MSANTD4: variants seen among roughly 807,000 people sequenced by gnomAD.
The protein encoded by MSANTD4 is myb/SANT-like DNA-binding domain-containing protein 4.
Under a neutral mutation model 34.3 loss-of-function variants are expected in MSANTD4, and 13 were observed. That is an observed-to-expected ratio of 0.38 (90% CI 0.25 to 0.60). The LOEUF is 0.60. Ranked by LOEUF, MSANTD4 falls within the 20% of genes least tolerant of loss-of-function variation. The pLI is 0.63. For synonymous variants in MSANTD4, 137 were observed against 145.2 expected, an observed-to-expected ratio of 0.94 and a Z score of 0.41; for missense variants, 358 against 401.8, an observed-to-expected ratio of 0.89 and a Z score of 0.93.
At chr11:106,015,102 T>C (rs1162434358) in intron 1 of MSANTD4, among the ~76,000 whole-genome samples, 1 of 152,208 alleles carries the variant, frequency 6.6e-6, no homozygotes, top group East Asian at 1.9e-4. Flanking sequence ...ATACTCCTCT[T>C]ACAGTCAAAT....
intron 1 of MSANTD4, among the ~76,000 whole-genome samples, chr11:106,013,691 TATCTAC>T (rs1369487744): frequency 6.6e-6 from 1 of 152,172 alleles, no homozygotes; most frequent in African/African-American, 2.4e-5. Context: ...CAAAACCCCG[TATCTAC>T]TAAAAATACA....
intron 1 of MSANTD4, among the ~76,000 whole-genome samples, chr11:106,013,849 G>A (rs1487027085): frequency 6.6e-6 from 1 of 152,222 alleles, no homozygotes; most frequent in Non-Finnish European, 1.5e-5. Context: ...GGGAAACAGT[G>A]AGACTTTGTC....
At position 106,010,036 on chromosome 11, in the gene MSANTD4, A is replaced by G; in HGVS notation, c.537T>C (p.Asp179=). 6.2e-7 allele frequency: 1 copy of G among 1,601,320 alleles called. No individual in the cohort carries two copies. The highest frequency in any genetic ancestry group is 8.5e-7 in the Non-Finnish European group (1 of 1,179,646). The part of the protein sequence containing the change: ...PDSRRENELP[D]FPHIDEFFTL... ...TAAAAAACTCATCAATGTGGGGGAAATCGGGAAGTTCATTTTCTCTCCTGG... is the reference window on the plus strand; with the variant it reads ...TAAAAAACTCATCAATGTGGGGGAAGTCGGGAAGTTCATTTTCTCTCCTGG... Residue 179 remains aspartate, a synonymous_variant, in exon 3 of 3, where the codon GAT becomes GAC. Coordinates refer to ENST00000301919, the MANE Select transcript of MSANTD4 (RefSeq NM_032424.3).
intron 1 of MSANTD4, among the ~76,000 whole-genome samples, chr11:106,016,183 A>T (rs890905775): frequency 1.3e-5 from 2 of 152,186 alleles, no homozygotes; most frequent in South Asian, 2.1e-4. Flanking sequence ...ATTTTAGAGG[A>T]TCACATTTAA....
intron 1 of MSANTD4, among the ~76,000 whole-genome samples, chr11:106,020,553 GATCA>G (rs1254562534): frequency 1.3e-5 from 2 of 152,180 alleles, no homozygotes; most frequent in African/African-American, 4.8e-5. Context: ...TAGAATCTGA[GATCA>G]ATTTAGAAAT....
rs535108965 is a variant in MSANTD4, at chr11:106,013,998, T to A, written c.-150-2931A>T. Among the ~76,000 whole-genome samples, 33 of 152,328 alleles carry A rather than the reference T, an allele frequency of 2.2e-4. 1 individual carries two copies. The highest frequency in any genetic ancestry group is 7.9e-4 in the African/African-American group (33 of 41,580). On this transcript the variant is annotated intron_variant, in intron 1 of 2. Coordinates refer to ENST00000301919, the MANE Select transcript of MSANTD4 (RefSeq NM_032424.3). ...TTCAATCGGTTACATTTCCTCTACC[T>A]CCTGTTAAAGTAAATTAGACCGGAG...
intron 1 of MSANTD4, among the ~76,000 whole-genome samples, chr11:106,020,183 T>C (rs1262156973): frequency 2.0e-5 from 3 of 152,182 alleles, no homozygotes; most frequent in Non-Finnish European, 4.4e-5. Flanking sequence ...TTTGATGGGA[T>C]CAAGGAATGT....
chr11:106,014,351 T>A (rs1319182191), intron 1 of MSANTD4, among the ~76,000 whole-genome samples: 4 of 152,216 alleles, frequency 2.6e-5, no homozygotes, highest in Non-Finnish European at 4.4e-5. Flanking sequence ...AAACCACTTC[T>A]GGTTTGGAGC....
At chr11:106,011,908 A>G (rs1012585630) in intron 1 of MSANTD4, among the ~76,000 whole-genome samples, 2 of 152,252 alleles carry the variant, frequency 1.3e-5, no homozygotes, top group Admixed American at 6.5e-5. Context: ...CTGATCAAAT[A>G]AATGCCAACT....
chr11:106,020,190 A>C (rs2096048540), intron 1 of MSANTD4, among the ~76,000 whole-genome samples: 1 of 152,240 alleles, frequency 6.6e-6, no homozygotes, highest in Admixed American at 6.5e-5. Context: ...GGATCAAGGA[A>C]TGTTTTGAGT....
chr11:106,011,690 C>A (rs547771377), intron 1 of MSANTD4, among the ~76,000 whole-genome samples: 1 of 152,266 alleles, frequency 6.6e-6, no homozygotes, highest in East Asian at 1.9e-4. Flanking sequence ...CTGGCCATCA[C>A]CTCCCCAGAG....
At chr11:106,014,170 C>G (rs918911051) in intron 1 of MSANTD4, among the ~76,000 whole-genome samples, 4 of 152,288 alleles carry the variant, frequency 2.6e-5, no homozygotes, top group Admixed American at 6.5e-5. Flanking sequence ...AAACTTAAGA[C>G]TAAGCAATCA....
At chr11:106,016,221 T>C (rs377184817) in intron 1 of MSANTD4, among the ~76,000 whole-genome samples, 3 of 152,208 alleles carry the variant, frequency 2.0e-5, no homozygotes, top group East Asian at 3.8e-4. Context: ...CATTCCTATG[T>C]AATTCAAATT....
At chr11:106,019,911 A>G (rs1859979020) in intron 1 of MSANTD4, among the ~76,000 whole-genome samples, 2 of 152,314 alleles carry the variant, frequency 1.3e-5, no homozygotes, top group Non-Finnish European at 2.9e-5. Context: ...TTAACCTCTT[A>G]AACTTGTTTC....
At chr11:106,014,872 C>T (rs957878191) in intron 1 of MSANTD4, among the ~76,000 whole-genome samples, 1 of 152,136 alleles carries the variant, frequency 6.6e-6, no homozygotes, top group African/African-American at 2.4e-5. Context: ...AAATTCAAAA[C>T]AGCTGAAATG....
chr11:106,009,446 C>T lies in MSANTD4; in HGVS notation c.*89G>A, dbSNP rs1194761603. On this transcript the variant is annotated 3_prime_UTR_variant, in exon 3 of 3. Coordinates refer to ENST00000301919, the MANE Select transcript of MSANTD4 (RefSeq NM_032424.3). ...TGAACACTGACATTAGACAAGAAAC[C>T]ACAGCTAATCCAGCAACCATCATTA... is the stretch of plus-strand genomic sequence containing the variant. 8 of 1,290,056 alleles carry T rather than the reference C, an allele frequency of 6.2e-6. No homozygotes were observed. Among genetic ancestry groups the T allele is most frequent in the Non-Finnish European group, 8.5e-6 (8 of 936,996 alleles). 79.9% of individuals were successfully genotyped at this position (1,290,056 alleles called of 1,614,324 possible).
Position 106,015,944 on chromosome 11 carries a change from C to T in MSANTD4, c.-150-4877G>A, listed in dbSNP as rs767028441. Among the ~76,000 whole-genome samples, 5 of 152,126 alleles carry T rather than the reference C, an allele frequency of 3.3e-5. No individual in the cohort carries two copies. In the East Asian group the frequency reaches 5.8e-4, roughly 18 times the overall value. On this transcript the variant is annotated intron_variant, in intron 1 of 2. Coordinates refer to ENST00000301919, the MANE Select transcript of MSANTD4 (RefSeq NM_032424.3). Reference sequence around the variant, plus strand: ...AGTGGCTCAATCATAATTCATTGCACCCTCAAACTCCTGAGCCCCAGTGAT... The same window carrying T: ...AGTGGCTCAATCATAATTCATTGCATCCTCAAACTCCTGAGCCCCAGTGAT...
Position 106,008,396 on chromosome 11 carries a change from G to A in MSANTD4, c.*1139C>T, listed in dbSNP as rs1486805995. The A allele has an allele frequency of 1.3e-5, 2 of 152,104 alleles. No individual in the cohort carries two copies. The highest frequency in any genetic ancestry group is 2.9e-5 in the Non-Finnish European group (2 of 68,012). The allele number at this position is 152,104 out of a possible 1,614,324, so 9.4% of individuals were successfully genotyped here. A position where few individuals can be genotyped will look rare whatever the true frequency, so the allele number is the denominator to read the frequency against. On this transcript the variant is annotated 3_prime_UTR_variant, in exon 3 of 3. Coordinates refer to ENST00000301919, the MANE Select transcript of MSANTD4 (RefSeq NM_032424.3). Reference sequence around the variant, plus strand: ...TCTGAGCTTCACATTCAGAAATAACGACAGATACAACTCTCAAGAATTGTT... The same window carrying A: ...TCTGAGCTTCACATTCAGAAATAACAACAGATACAACTCTCAAGAATTGTT...
intron 1 of MSANTD4, among the ~76,000 whole-genome samples, chr11:106,013,168 G>A (rs1859746300): frequency 6.6e-6 from 1 of 152,080 alleles, no homozygotes; most frequent in Non-Finnish European, 1.5e-5. Context: ...GGGGAAACAG[G>A]GCTCAGAAAG....
Sources: allele counts gnomAD v4.1 joint callset (sites outside exome capture counted in the v4.1 genomes callset), GRCh38; gene constraint gnomAD v4.1.1; transcripts MANE v1.5; gene names NCBI Gene and HGNC (gene_info 2026-07-23, HGNC 2026-07-21).